Variants in CLN8 observed in about 807,000 individuals in gnomAD.
The protein encoded by CLN8 is protein CLN8.
Under a neutral mutation model 15.7 loss-of-function variants are expected in CLN8, and 14 were observed. That is an observed-to-expected ratio of 0.89 (90% CI 0.59 to 1.39). The LOEUF (loss-of-function observed/expected upper bound fraction) is 1.39. CLN8 is among the 40% of genes most tolerant of loss of function. The probability of loss-of-function intolerance (pLI) is 0.00; values close to 1 mark genes in which losing one functional copy is unlikely to be tolerated. For missense variants in CLN8, 415 were observed against 364.0 expected (o/e 1.14, Z -1.14); for synonymous variants, 188 against 151.0 (o/e 1.25, Z -1.80).
At chr8:1,760,849 G>A (rs1381582743), upstream of CLN8, among the ~76,000 whole-genome samples, 1 of 152,084 alleles carries the variant, frequency 6.6e-6, no homozygotes, top group African/African-American at 2.4e-5. Flanking sequence ...GAAGAAGAAT[G>A]TGCCATCTTT....
rs1801363603 is a variant in CLN8 at position 1,772,687 on chromosome 8, C to G, written c.543+1090C>G. Among the ~76,000 whole-genome samples the G allele has an allele frequency of 2.6e-5, 4 of 151,988 alleles. No homozygotes were observed. The South Asian group carries it at 8.3e-4, about 32-fold the overall frequency. On this transcript the variant is annotated intron_variant, in intron 2 of 2. Transcript: ENST00000331222. The stretch of plus-strand genomic sequence containing the variant: ...TAGAGACGGAGTTTCACTGTGTTGG[C>G]CAGGCTGGTCTTGAACTCCTGACCT...
chr8:1,780,143 G>A, intron 2 of CLN8, 107 bp from the exon 3 acceptor site: 1 of 1,592,046 alleles, frequency 6.3e-7, no homozygotes, highest in Non-Finnish European at 8.5e-7. Flanking sequence ...GCTTTGAAAT[G>A]AATTTGTTTT....
At chr8:1,779,832 A>G (rs948127905) in intron 2 of CLN8, 3 of 430,176 alleles carry the variant, frequency 7.0e-6, no homozygotes, top group South Asian at 9.8e-5. Flanking sequence ...CCATGACCTC[A>G]TCACTTCCCA....
Position 1,763,797 on chromosome 8 carries a change from C to T in CLN8, c.-212C>T, listed in dbSNP as rs1273507158. The stretch of plus-strand genomic sequence containing the variant: ...GGTGTTTGAGGCCGGCCAGTCGTGA[C>T]TGGGCGGCAATGAGGTCAGTGACTG... On this transcript the variant is annotated 5_prime_UTR_variant, in exon 1 of 3. Coordinates refer to ENST00000331222, the MANE Select transcript of CLN8 (RefSeq NM_018941.4). 6.6e-6 allele frequency: 1 copy of T among 150,680 alleles called. No homozygotes were observed. The highest frequency in any genetic ancestry group is 1.5e-5 in the Non-Finnish European group (1 of 67,638). The allele number at this position is 150,680 out of a possible 1,614,324, so 9.3% of individuals were successfully genotyped here.
chr8:1,782,123 C>T lies in CLN8; in HGVS notation c.*1556C>T, dbSNP rs1341019349. The T allele has an allele frequency of 6.6e-6, 1 of 152,142 alleles. No homozygotes were observed. The highest frequency in any genetic ancestry group is 1.5e-5 in the Non-Finnish European group (1 of 68,040). The allele number at this position is 152,142 out of a possible 1,614,324, so 9.4% of individuals were successfully genotyped here. A position where few individuals can be genotyped will look rare whatever the true frequency, so the allele number is the denominator to read the frequency against. On this transcript the variant is annotated 3_prime_UTR_variant, in exon 3 of 3. Transcript: ENST00000331222. ...CTTATGTTTTATGGAACTCTCGGAA[C>T]AGTGTTTTGTTTTTGTTTAGTTTTT...
chr8:1,754,000 C>G (rs141267325), upstream of CLN8, among the ~76,000 whole-genome samples: 1 of 152,174 alleles, frequency 6.6e-6, no homozygotes, highest in Admixed American at 6.5e-5. Context: ...AAAGGATAAG[C>G]TGTGAGTCTG....
At chr8:1,756,811 T>C (rs896458900) in intron 1 of CLN8, among the ~76,000 whole-genome samples, 3 of 151,496 alleles carry the variant, frequency 2.0e-5, no homozygotes, top group Non-Finnish European at 2.9e-5. Flanking sequence ...GCCTCCCAAG[T>C]AGCTAGGATT....
intron 1 of CLN8, among the ~76,000 whole-genome samples, chr8:1,758,026 G>A (rs1419891661): frequency 6.6e-6 from 1 of 152,094 alleles, no homozygotes; most frequent in Non-Finnish European, 1.5e-5. Flanking sequence ...ACAGCCAGCA[G>A]AAGTAACACC....
chr8:1,771,682 A>C, intron 2 of CLN8, 85 bp downstream of exon 2: 5 of 1,262,934 alleles, frequency 4.0e-6, no homozygotes, highest in Non-Finnish European at 5.6e-6. Context: ...CCATAAACTC[A>C]ACAGCAGGCT....
rs571948586 is a variant in CLN8 at position 1,777,468 on chromosome 8, C to G, written c.544-2782C>G. Reference sequence around the variant, plus strand: ...TTCTTTAATCATAAAGTAACCTTAACTTACTGTAACATTTTTACTTTATAA... The same window carrying G: ...TTCTTTAATCATAAAGTAACCTTAAGTTACTGTAACATTTTTACTTTATAA... On this transcript the variant is annotated intron_variant, in intron 2 of 2. Transcript: ENST00000331222. Among the ~76,000 whole-genome samples, 4 of 152,280 alleles carry G rather than the reference C, an allele frequency of 2.6e-5. No individual in the cohort carries two copies. The East Asian group carries it at 5.8e-4, about 22-fold the overall frequency.
chr8:1,765,853 G>A (rs1257632865), intron 1 of CLN8, among the ~76,000 whole-genome samples: 2 of 152,220 alleles, frequency 1.3e-5, no homozygotes, highest in African/African-American at 2.4e-5. Flanking sequence ...ATTTCTCCTA[G>A]AAAGTCAAGT....
upstream of CLN8, among the ~76,000 whole-genome samples, chr8:1,753,995 A>T (rs959575740): frequency 1.5e-4 from 23 of 152,172 alleles, no homozygotes; most frequent in African/African-American, 5.5e-4. Flanking sequence ...AAGCAAAAGG[A>T]TAAGCTGTGA....
In CLN8 at chr8:1,780,627, C is replaced by T. The variant is rs1036839131; in HGVS notation, c.*60C>T. 50 of 1,502,410 alleles carry T rather than the reference C, an allele frequency of 3.3e-5. No individual in the cohort carries two copies. The African/African-American group carries it at 4.0e-4, about 12-fold the overall frequency. 93.1% of individuals were successfully genotyped at this position (1,502,410 alleles called of 1,614,324 possible). ...CTGGCACACCGATTCTGGGAAGCCC[C>T]GCGAATGATGGCTTTTGAATTAATG... On this transcript the variant is annotated 3_prime_UTR_variant, in exon 3 of 3. Coordinates refer to ENST00000331222, the MANE Select transcript of CLN8 (RefSeq NM_018941.4).
intron 2 of CLN8, among the ~76,000 whole-genome samples, chr8:1,775,209 T>G (rs1198519339): frequency 6.6e-6 from 1 of 152,136 alleles, no homozygotes; most frequent in Non-Finnish European, 1.5e-5. Flanking sequence ...TACATTGTAT[T>G]AGGTATTATA....
At chr8:1,757,543 T>C (rs7828950) in intron 1 of CLN8, among the ~76,000 whole-genome samples, 122,447 of 152,182 alleles carry the variant, frequency 0.8, 49,476 homozygotes, top group Non-Finnish European at 0.82. Context: ...CAGGTTCATG[T>C]AATTCTCCTG....
chr8:1,762,860 C>G (rs1382149503), upstream of CLN8: 1 of 152,204 alleles, frequency 6.6e-6, no homozygotes, highest in Non-Finnish European at 1.5e-5. Context: ...CGATCGCATG[C>G]TATCGGTTCT....
At chr8:1,778,484 G>T (rs958716543) in intron 2 of CLN8, among the ~76,000 whole-genome samples, 3 of 152,184 alleles carry the variant, frequency 2.0e-5, no homozygotes, top group African/African-American at 7.2e-5. Flanking sequence ...TGCTTCCTCT[G>T]CTCTTCTTCC....
Position 1,784,835 on chromosome 8 carries a change from C to T in CLN8, c.*4268C>T, listed in dbSNP as rs891013340. The T allele has an allele frequency of 2.6e-5, 4 of 152,602 alleles. No homozygotes were observed. Among genetic ancestry groups the T allele is most frequent in the Admixed American group, 6.5e-5 (1 of 15,290 alleles). The allele number at this position is 152,602 out of a possible 1,614,324, so 9.5% of individuals were successfully genotyped here. On this transcript the variant is annotated 3_prime_UTR_variant, in exon 3 of 3. Transcript: ENST00000331222. ...GAGGCTGGGCAGCCAGTTTCACCCT[C>T]GCACAGGCTGCCTGGCAAGACCAGC...
At chr8:1,773,959 G>C (rs1446389676) in intron 2 of CLN8, 2 of 152,236 alleles carry the variant, frequency 1.3e-5, no homozygotes, top group Non-Finnish European at 2.9e-5. Context: ...GAGGTCATTA[G>C]TGTATTTTGA....
Sources: gnomAD v4.1 joint callset for allele counts (sites outside exome capture counted in the v4.1 genomes callset) on GRCh38, gnomAD v4.1.1 for gene constraint, MANE v1.5 for transcripts, NCBI Gene and HGNC (gene_info 2026-07-23, HGNC 2026-07-21) for gene names.